Variants in EPHB1 observed in about 807,000 individuals in gnomAD.
The protein encoded by EPHB1 is ephrin type-B receptor 1.
A neutral mutation model predicts 94.4 loss-of-function variants in EPHB1; 30 were observed. The ratio of observed to expected loss-of-function variants is 0.32; its 90% CI spans 0.24 to 0.43. The LOEUF is 0.43. Ranked by LOEUF, EPHB1 falls within the 20% of genes least tolerant of loss-of-function variation. The pLI is 1.00. For missense variants in EPHB1, 1,055 were observed against 1,308.3 expected, an observed-to-expected ratio of 0.81 and a Z score of 2.99; for synonymous variants, 522 against 489.1, an observed-to-expected ratio of 1.07 and a Z score of -0.89.
intron 1 of EPHB1, 77 bp downstream of exon 1, chr3:134,795,766 GT>G: frequency 6.7e-7 from 1 of 1,501,570 alleles, no homozygotes; most frequent in Non-Finnish European, 9.2e-7. Context: ...GGTTCGCGGG[GT>G]TCCTCTGGCT....
At chr3:135,074,267 T>C (rs1937830857) in intron 3 of EPHB1, among the ~76,000 whole-genome samples, 2 of 152,358 alleles carry the variant, frequency 1.3e-5, no homozygotes, top group South Asian at 4.1e-4. Context: ...AGTGTTTAAA[T>C]ATCATCATGA....
At chr3:134,959,966 CTTTTTTTTTTTTTT>C (rs61369813) in intron 3 of EPHB1, among the ~76,000 whole-genome samples, 120 of 107,362 alleles carry the variant, frequency 1.1e-3, no homozygotes, top group African/African-American at 3.2e-3. Flanking sequence ...ACATCTGCAC[CTTTTTTTTTTTTTT>C]TTTTTTTTTT....
chr3:135,247,316 A>G (rs980047276), intron 13 of EPHB1, among the ~76,000 whole-genome samples: 2 of 152,324 alleles, frequency 1.3e-5, no homozygotes, highest in African/African-American at 4.8e-5. Context: ...TTCTGAAGTT[A>G]TGCAGCCAGC....
chr3:135,192,614 C>A lies in EPHB1; in HGVS notation c.1921C>A (p.Pro641Thr), dbSNP rs774889053. The change falls in exon 11 of 16, where the codon CCA becomes ACA. Residue 641 changes from proline (P) to threonine (T), a missense_variant. Pro to Thr is a conservative substitution (Grantham distance 38). Coordinates refer to ENST00000398015, the MANE Select transcript of EPHB1 (RefSeq NM_004441.5). ...AGTGTACAAGGGGCGTTTGAAACTG[C>A]CAGGCAAGAGGGAAATCTACGTGGC... is the stretch of plus-strand genomic sequence containing the variant. ...GEVYKGRLKL[P>T]GKREIYVAIK... The A allele has an allele frequency of 1.5e-5, 24 of 1,613,754 alleles. No homozygotes were observed. The highest frequency in any genetic ancestry group is 2.0e-5 in the Non-Finnish European group (24 of 1,179,904).
chr3:135,003,000 G>A (rs1559790354), intron 3 of EPHB1, among the ~76,000 whole-genome samples: 2 of 152,168 alleles, frequency 1.3e-5, no homozygotes, highest in Non-Finnish European at 2.9e-5. Context: ...CCTTCTACTA[G>A]CTCTTGAATG....
At chr3:135,108,366 A>G (rs910612072) in intron 4 of EPHB1, among the ~76,000 whole-genome samples, 1 of 152,210 alleles carries the variant, frequency 6.6e-6, no homozygotes, top group Non-Finnish European at 1.5e-5. Flanking sequence ...ACATGTAGTC[A>G]TTGTATTTTT....
chr3:134,944,373 A>G (rs2039178187), intron 2 of EPHB1, among the ~76,000 whole-genome samples: 1 of 152,222 alleles, frequency 6.6e-6, no homozygotes, highest in Admixed American at 6.5e-5. Flanking sequence ...ACCACTTGAC[A>G]ACAAAGGGTC....
At chr3:135,107,121 C>T in intron 4 of EPHB1, among the ~76,000 whole-genome samples, 1 of 152,174 alleles carries the variant, frequency 6.6e-6, no homozygotes, top group East Asian at 1.9e-4. Flanking sequence ...TCTTGTGTCC[C>T]TTCAAATGCC....
intron 1 of EPHB1, among the ~76,000 whole-genome samples, chr3:134,849,293 GATGTTGATGATGCTGGTC>G (rs1450522785): frequency 1.3e-5 from 2 of 152,218 alleles, no homozygotes; most frequent in African/African-American, 4.8e-5. Flanking sequence ...GTTCCCAGGT[GATGTTGATGATGCTGGTC>G]TGGAGACCAC....
intron 10 of EPHB1, among the ~76,000 whole-genome samples, chr3:135,191,861 G>A (rs1191113628): frequency 3.3e-5 from 5 of 152,198 alleles, no homozygotes; most frequent in Non-Finnish European, 1.5e-5. Context: ...CAGAGGCCCA[G>A]CTCTTCCCAG....
chr3:135,122,482 C>T (rs1940010500), intron 4 of EPHB1, among the ~76,000 whole-genome samples: 1 of 152,082 alleles, frequency 6.6e-6, no homozygotes, highest in Non-Finnish European at 1.5e-5. Context: ...CTCTTTGGCC[C>T]CACCTTGAGC....
intron 9 of EPHB1, among the ~76,000 whole-genome samples, chr3:135,168,529 A>G (rs1941718129): frequency 6.6e-6 from 1 of 152,300 alleles, no homozygotes; most frequent in Admixed American, 6.5e-5. Context: ...TGGCCTGTGC[A>G]TTAGCCCTTC....
chr3:135,090,310 A>T (rs1938511158), intron 3 of EPHB1, among the ~76,000 whole-genome samples: 1 of 152,204 alleles, frequency 6.6e-6, no homozygotes, highest in Non-Finnish European at 1.5e-5. Context: ...AGTCTGCATC[A>T]GAGTTGGTGA....
chr3:135,102,299 T>G (rs1939060554), intron 3 of EPHB1, among the ~76,000 whole-genome samples: 1 of 152,264 alleles, frequency 6.6e-6, no homozygotes, highest in South Asian at 2.1e-4. Flanking sequence ...CTGCTTTATA[T>G]TCTCAAGTGA....
At chr3:135,168,982 G>A (rs1187035285) in intron 9 of EPHB1, among the ~76,000 whole-genome samples, 1 of 152,162 alleles carries the variant, frequency 6.6e-6, no homozygotes, top group Non-Finnish European at 1.5e-5. Flanking sequence ...GGGGTATAGA[G>A]GTTCTCCAAA....
At chr3:135,172,561 GGT>G (rs1409932636) in intron 9 of EPHB1, among the ~76,000 whole-genome samples, 2 of 152,190 alleles carry the variant, frequency 1.3e-5, no homozygotes, top group Admixed American at 6.5e-5. Flanking sequence ...GATTCTGGGT[GGT>G]GTCTGTATTT....
At chr3:134,977,676 C>A (rs778123029) in intron 3 of EPHB1, among the ~76,000 whole-genome samples, 26 of 152,224 alleles carry the variant, frequency 1.7e-4, no homozygotes, top group Admixed American at 2.6e-4. Flanking sequence ...TTGTTTTCTG[C>A]GACTTTCCCT....
intron 1 of EPHB1, among the ~76,000 whole-genome samples, chr3:134,915,723 C>T (rs902584197): frequency 1.1e-4 from 17 of 151,742 alleles, no homozygotes; most frequent in African/African-American, 2.9e-4. Context: ...ACTCTTAAGG[C>T]GGCGCGTCCG....
chr3:135,182,610 G>A (rs1942186097), intron 10 of EPHB1, among the ~76,000 whole-genome samples: 1 of 152,360 alleles, frequency 6.6e-6, no homozygotes, highest in East Asian at 1.9e-4. Context: ...TCTTGGAGGG[G>A]CTGAGCATAT....
Sources: allele counts gnomAD v4.1 joint callset (sites outside exome capture counted in the v4.1 genomes callset), GRCh38; gene constraint gnomAD v4.1.1; transcripts MANE v1.5; gene names NCBI Gene and HGNC (gene_info 2026-07-23, HGNC 2026-07-21).